The following SLC16A2 variants were observed in gnomAD, a reference collection of about 807,000 sequenced individuals.
The protein encoded by SLC16A2 is monocarboxylate transporter 8.
SLC16A2 carries 3 observed loss-of-function variants against 27.2 expected under a neutral mutation model. The ratio of observed to expected loss-of-function variants is 0.11; its 90% CI spans 0.05 to 0.28. The LOEUF (loss-of-function observed/expected upper bound fraction) is 0.28, where lower values mean the gene tolerates loss of function less well. Among genes scored for constraint, SLC16A2 ranks in the 10% least tolerant of loss-of-function variants. SLC16A2 has a pLI of 1.00. For missense variants in SLC16A2, 295 were observed against 458.5 expected, an observed-to-expected ratio of 0.64 and a Z score of 3.26; for synonymous variants, 202 against 187.8, an observed-to-expected ratio of 1.08 and a Z score of -0.62.
chrX:74,530,950 C>T (rs1210627507), intron 5 of SLC16A2, among the ~76,000 whole-genome samples: 4 of 111,101 alleles, frequency 3.6e-5, no homozygotes, highest in African/African-American at 1.3e-4. Context: ...AAATGTACCA[C>T]AGGAACCATT....
At chrX:74,432,360 C>T (rs1383178555) in intron 1 of SLC16A2, among the ~76,000 whole-genome samples, 1 of 111,589 alleles carries the variant, frequency 9.0e-6, no homozygotes, top group African/African-American at 3.3e-5. Flanking sequence ...AGGATAGCTC[C>T]AGAAAACAGA....
At chrX:74,496,146 A>G (rs1170013248) in intron 1 of SLC16A2, among the ~76,000 whole-genome samples, 4 of 110,823 alleles carry the variant, frequency 3.6e-5, no homozygotes, top group Non-Finnish European at 7.6e-5. Context: ...AGGGGTGGGG[A>G]TGGTGAAGAG....
chrX:74,508,441 CA>C (rs1203397770), intron 1 of SLC16A2, among the ~76,000 whole-genome samples: 1 of 111,910 alleles, frequency 8.9e-6, no homozygotes, highest in African/African-American at 3.2e-5. Context: ...ATAAGTATTA[CA>C]AATTTTTGAT....
At chrX:74,462,212 C>T (rs924062523) in intron 1 of SLC16A2, among the ~76,000 whole-genome samples, 2 of 112,353 alleles carry the variant, frequency 1.8e-5, no homozygotes, top group Admixed American at 1.9e-4. Flanking sequence ...GGTTCCCAAG[C>T]GCCTTTGGGG....
chrX:74,485,485 G>A (rs2147857566), intron 1 of SLC16A2, among the ~76,000 whole-genome samples: 1 of 110,315 alleles, frequency 9.1e-6, no homozygotes, highest in South Asian at 3.9e-4. Flanking sequence ...TTATTCTAAT[G>A]TTACCAGGGG....
At chrX:74,462,939 C>T (rs1200123963) in intron 1 of SLC16A2, among the ~76,000 whole-genome samples, 1 of 112,211 alleles carries the variant, frequency 8.9e-6, no homozygotes, top group Non-Finnish European at 1.9e-5. Context: ...CCAACTTCTG[C>T]TTCTTTCTTG....
At chrX:74,473,350 C>G in intron 1 of SLC16A2, 1 of 544,247 alleles carries the variant, frequency 1.8e-6, no homozygotes, top group Non-Finnish European at 3.3e-6. Flanking sequence ...ATCAAAGTTT[C>G]CAGAACCACT....
At chrX:74,515,118 C>G (rs1208734865) in intron 1 of SLC16A2, among the ~76,000 whole-genome samples, 1 of 110,147 alleles carries the variant, frequency 9.1e-6, no homozygotes, top group Admixed American at 9.6e-5. Flanking sequence ...TTAAAGCAGC[C>G]AACAAAAAAT....
intron 1 of SLC16A2, among the ~76,000 whole-genome samples, chrX:74,519,482 C>T (rs753415203): frequency 1.9e-5 from 2 of 103,039 alleles, no homozygotes; most frequent in Non-Finnish European, 4.0e-5. Context: ...TGGCCCTGAT[C>T]ATCAGCGGAT....
chrX:74,475,478 A>G (rs1382521676), intron 1 of SLC16A2, among the ~76,000 whole-genome samples: 1 of 107,762 alleles, frequency 9.3e-6, no homozygotes, highest in African/African-American at 3.4e-5. Flanking sequence ...GAAGCTCTTT[A>G]GTTTAATTAG....
intron 1 of SLC16A2, among the ~76,000 whole-genome samples, chrX:74,509,003 C>T (rs1413176272): frequency 9.0e-6 from 1 of 111,463 alleles, no homozygotes; most frequent in Non-Finnish European, 1.9e-5. Context: ...CACTCTGTTG[C>T]CCAGGCTGGA....
chrX:74,464,696 C>A (rs1052268486), intron 1 of SLC16A2, among the ~76,000 whole-genome samples: 1 of 111,500 alleles, frequency 9.0e-6, no homozygotes, highest in Non-Finnish European at 1.9e-5. Context: ...CATAAGTGGG[C>A]AAGAGACACA....
intron 1 of SLC16A2, among the ~76,000 whole-genome samples, chrX:74,455,120 T>G (rs2147846995): frequency 8.9e-6 from 1 of 112,078 alleles, no homozygotes; most frequent in South Asian, 3.7e-4. Flanking sequence ...TCTCAGTTTC[T>G]TCAAAATCAG....
At chrX:74,444,191 C>T (rs756546312) in intron 1 of SLC16A2, among the ~76,000 whole-genome samples, 26 of 111,490 alleles carry the variant, frequency 2.3e-4, no homozygotes, top group Middle Eastern at 4.6e-3. Context: ...GATACAAAAA[C>T]CACTCATTCT....
chrX:74,458,133 T>G (rs1207288525), intron 1 of SLC16A2, among the ~76,000 whole-genome samples: 1 of 111,976 alleles, frequency 8.9e-6, no homozygotes, highest in Non-Finnish European at 1.9e-5. Flanking sequence ...ATCAATAATG[T>G]TTGGCAATAT....
chrX:74,482,401 T>C (rs772049193), intron 1 of SLC16A2, among the ~76,000 whole-genome samples: 11 of 111,778 alleles, frequency 9.8e-5, no homozygotes, highest in Non-Finnish European at 2.1e-4. Context: ...TTTCTCGCTC[T>C]CTTCTCTTTG....
intron 1 of SLC16A2, among the ~76,000 whole-genome samples, chrX:74,503,265 G>A (rs1400532457): frequency 1.8e-5 from 2 of 110,817 alleles, no homozygotes; most frequent in African/African-American, 3.3e-5. Flanking sequence ...AAGGAGATGG[G>A]GAGTAGACTA....
intron 1 of SLC16A2, among the ~76,000 whole-genome samples, chrX:74,452,345 T>A (rs1156994809): frequency 8.9e-6 from 1 of 111,929 alleles, no homozygotes; most frequent in African/African-American, 3.2e-5. Flanking sequence ...AAGGCTCAGG[T>A]ACCTGTTGAA....
chrX:74,463,082 A>G (rs1036865940), intron 1 of SLC16A2, among the ~76,000 whole-genome samples: 2 of 111,640 alleles, frequency 1.8e-5, no homozygotes. Context: ...ACACAACTCT[A>G]GAGATTCTTC....
Sources: allele counts gnomAD v4.1 joint callset (sites outside exome capture counted in the v4.1 genomes callset), GRCh38; gene constraint gnomAD v4.1.1; transcripts MANE v1.5; gene names NCBI Gene and HGNC (gene_info 2026-07-23, HGNC 2026-07-21).